The following STIM2 variants were observed in gnomAD, a reference collection of about 807,000 sequenced individuals.
The protein encoded by STIM2 is stromal interaction molecule 2.
Under a neutral mutation model 85.8 loss-of-function variants are expected in STIM2, and 31 were observed. The observed-to-expected ratio is 0.36, with a 90% CI of 0.27 to 0.49. The LOEUF (loss-of-function observed/expected upper bound fraction) is 0.49. Among genes scored for constraint, STIM2 ranks in the 20% least tolerant of loss-of-function variants. The probability of loss-of-function intolerance (pLI) is 0.98; values close to 1 mark genes in which losing one functional copy is unlikely to be tolerated. For missense variants in STIM2, 841 were observed against 927.6 expected, an observed-to-expected ratio of 0.91 and a Z score of 1.21; for synonymous variants, 356 against 331.1, an observed-to-expected ratio of 1.08 and a Z score of -0.82.
intron 2 of STIM2, among the ~76,000 whole-genome samples, chr4:26,931,841 T>C (rs775617866): frequency 1.6e-4 from 25 of 152,232 alleles, no homozygotes; most frequent in Non-Finnish European, 1.5e-5. Flanking sequence ...TTTAATTCTT[T>C]CTGGAAAATA....
chr4:26,882,022 G>A (rs1723032839), intron 1 of STIM2, among the ~76,000 whole-genome samples: 1 of 152,116 alleles, frequency 6.6e-6, no homozygotes, highest in Admixed American at 6.5e-5. Flanking sequence ...GCCCAATAGT[G>A]TTTTTATTGA....
At chr4:26,903,171 CT>C (rs1270099430) in intron 1 of STIM2, among the ~76,000 whole-genome samples, 1 of 152,124 alleles carries the variant, frequency 6.6e-6, no homozygotes, top group Non-Finnish European at 1.5e-5. Context: ...TTAGTTTAGA[CT>C]TTTATTGCTT....
chr4:27,020,421 T>G (rs747351506), intron 11 of STIM2, among the ~76,000 whole-genome samples: 1 of 152,246 alleles, frequency 6.6e-6, no homozygotes, highest in African/African-American at 2.4e-5. Flanking sequence ...CTGAACTGCT[T>G]CTTGCTTTCT....
At chr4:26,928,487 A>T (rs1038538930) in intron 2 of STIM2, among the ~76,000 whole-genome samples, 9 of 152,192 alleles carry the variant, frequency 5.9e-5, no homozygotes, top group African/African-American at 1.7e-4. Context: ...TCTTAGAAGT[A>T]CAAGTTATTT....
At chr4:26,968,975 A>C (rs866669220) in intron 3 of STIM2, among the ~76,000 whole-genome samples, 1 of 152,166 alleles carries the variant, frequency 6.6e-6, no homozygotes, top group Non-Finnish European at 1.5e-5. Context: ...CTTATTATAT[A>C]TTTTGTTTTA....
At chr4:26,869,299 C>CA (rs71186495) in intron 1 of STIM2, among the ~76,000 whole-genome samples, 3,153 of 85,506 alleles carry the variant, frequency 0.037, 122 homozygotes, top group African/African-American at 0.11. Flanking sequence ...ACCCTGTCTC[C>CA]AAAAAAAAAA....
intron 2 of STIM2, among the ~76,000 whole-genome samples, chr4:26,942,566 T>G: frequency 6.6e-6 from 1 of 152,274 alleles, no homozygotes; most frequent in East Asian, 1.9e-4. Context: ...ATTATTCTTA[T>G]TGTGCTTATT....
At chr4:26,950,145 A>G (rs1295957618) in intron 2 of STIM2, among the ~76,000 whole-genome samples, 5 of 152,176 alleles carry the variant, frequency 3.3e-5, no homozygotes, top group Non-Finnish European at 5.9e-5. Context: ...CTACAACTTA[A>G]TTAGAGCTCT....
At chr4:26,938,233 C>G (rs1177388739) in intron 2 of STIM2, among the ~76,000 whole-genome samples, 2 of 149,514 alleles carry the variant, frequency 1.3e-5, no homozygotes, top group Non-Finnish European at 3.0e-5. Context: ...GTATATTTAA[C>G]AAATAAAGAT....
At position 27,023,228 on chromosome 4, in the gene STIM2, T is replaced by C. The variant is rs1260314423; in HGVS notation, c.*232T>C. 2.0e-6 allele frequency: 1 copy of C among 507,776 alleles called. No individual in the cohort carries two copies. The highest frequency in any genetic ancestry group is 1.9e-5 in the African/African-American group (1 of 52,466). The allele number at this position is 507,776 out of a possible 1,614,324, so 31.5% of individuals were successfully genotyped here. A position where few individuals can be genotyped will look rare whatever the true frequency, so the allele number is the denominator to read the frequency against. On this transcript the variant is annotated 3_prime_UTR_variant, in exon 12 of 12. Transcript: ENST00000467087. ...AGTTATTACTGAAAAATCATTGAAATGAGACAGTTTACAGTCATTTCTGCC... is the reference window on the plus strand; with the variant it reads ...AGTTATTACTGAAAAATCATTGAAACGAGACAGTTTACAGTCATTTCTGCC...
rs369237274 is a variant in STIM2 at position 26,871,792 on chromosome 4, C to G, written c.151+10423C>G. Reference sequence around the variant, plus strand: ...TTCCTGGGCTTAGGCAATCCTCCCACCTCGGCCCCGCAAAGTAATTAGATT... The same window carrying G: ...TTCCTGGGCTTAGGCAATCCTCCCAGCTCGGCCCCGCAAAGTAATTAGATT... On this transcript the variant is annotated intron_variant, in intron 1 of 11. Transcript: ENST00000467087. 3.8e-4 allele frequency among the ~76,000 whole-genome samples: 57 copies of G among 151,268 alleles called. 1 individual carries two copies. In the South Asian group the frequency reaches 0.012, roughly 32 times the overall value.
chr4:26,962,329 A>G (rs1726505284), intron 3 of STIM2, among the ~76,000 whole-genome samples: 1 of 152,216 alleles, frequency 6.6e-6, no homozygotes, highest in South Asian at 2.1e-4. Context: ...GAAATAAACT[A>G]AAAAGTTCGG....
At chr4:26,977,379 T>A (rs1284177947) in intron 3 of STIM2, among the ~76,000 whole-genome samples, 1 of 152,204 alleles carries the variant, frequency 6.6e-6, no homozygotes, top group Non-Finnish European at 1.5e-5. Context: ...GTAAGTATAT[T>A]GCAAGTATAA....
At chr4:26,940,791 G>C (rs1354094148) in intron 2 of STIM2, among the ~76,000 whole-genome samples, 1 of 151,980 alleles carries the variant, frequency 6.6e-6, no homozygotes, top group Non-Finnish European at 1.5e-5. Flanking sequence ...TTATATTAGA[G>C]CCCCATAGTC....
intron 2 of STIM2, among the ~76,000 whole-genome samples, chr4:26,951,381 C>T (rs943261223): frequency 2.6e-5 from 4 of 152,146 alleles, no homozygotes; most frequent in Non-Finnish European, 4.4e-5. Context: ...AGGGAAACTG[C>T]GTGGCACTGT....
chr4:26,965,181 A>G (rs1386808799), intron 3 of STIM2, among the ~76,000 whole-genome samples: 1 of 152,156 alleles, frequency 6.6e-6, no homozygotes, highest in Non-Finnish European at 1.5e-5. Flanking sequence ...GGGAAGGTCC[A>G]TTCTTGAGGT....
chr4:26,881,205 C>G (rs933528574), intron 1 of STIM2, among the ~76,000 whole-genome samples: 2 of 152,112 alleles, frequency 1.3e-5, no homozygotes, highest in African/African-American at 2.4e-5. Flanking sequence ...GTAGCTCATG[C>G]TGGTAATCGC....
chr4:26,875,463 T>G (rs1257643528), intron 1 of STIM2, among the ~76,000 whole-genome samples: 1 of 152,184 alleles, frequency 6.6e-6, no homozygotes, highest in African/African-American at 2.4e-5. Flanking sequence ...TCATGATAGA[T>G]TCATCATAAG....
Position 26,973,314 on chromosome 4 carries a change from C to A in STIM2, c.397+15588C>A, listed in dbSNP as rs528135158. On this transcript the variant is annotated intron_variant, in intron 3 of 11. Transcript: ENST00000467087. ...TGTGTTTGCTCTTGCTTCTCTAGTT[C>A]TTTTAATTGTGATGTTAGGGTGTTG... Among the ~76,000 whole-genome samples, 4 of 152,184 alleles carry A rather than the reference C, an allele frequency of 2.6e-5. No homozygotes were observed. In the South Asian group the frequency reaches 6.2e-4, roughly 24 times the overall value.
Sources: allele counts gnomAD v4.1 joint callset (sites outside exome capture counted in the v4.1 genomes callset), GRCh38; gene constraint gnomAD v4.1.1; transcripts MANE v1.5; gene names NCBI Gene and HGNC (gene_info 2026-07-23, HGNC 2026-07-21).